The following RIN2 variants were observed in gnomAD, a reference collection of about 807,000 sequenced individuals.
RIN2 encodes the protein RAB5 interacting protein 2.
In RIN2, 36 loss-of-function variants were observed where a neutral mutation model predicts 78.0. The observed-to-expected ratio is 0.46, with a 90% confidence interval of 0.35 to 0.61. The LOEUF (loss-of-function observed/expected upper bound fraction) is 0.61, where lower values mean the gene tolerates loss of function less well. Among genes scored for constraint, RIN2 ranks in the 20% least tolerant of loss-of-function variants. The probability of loss-of-function intolerance (pLI) is 0.00; values close to 1 mark genes in which losing one functional copy is unlikely to be tolerated. For synonymous variants in RIN2, 466 were observed against 466.8 expected (o/e 1.00, Z 0.02); for missense variants, 1,087 against 1,159.7 (o/e 0.94, Z 0.91).
At chr20:19,855,546 G>C (rs1030484398) in intron 2 of RIN2, among the ~76,000 whole-genome samples, 1 of 152,108 alleles carries the variant, frequency 6.6e-6, no homozygotes, top group African/African-American at 2.4e-5. Flanking sequence ...GCCATCCTTT[G>C]ATGGCAACTT....
At chr20:19,851,572 A>G (rs934407633) in intron 2 of RIN2, among the ~76,000 whole-genome samples, 1 of 151,964 alleles carries the variant, frequency 6.6e-6, no homozygotes. Flanking sequence ...AAAAACAAAA[A>G]ATCAGCTGGG....
chr20:19,834,321 A>C (rs1158566765), intron 2 of RIN2, among the ~76,000 whole-genome samples: 1 of 152,204 alleles, frequency 6.6e-6, no homozygotes, highest in Non-Finnish European at 1.5e-5. Context: ...CATTTTTGCC[A>C]AAGTGGAAGC....
chr20:19,988,086 A>G (rs1427428041), intron 9 of RIN2, among the ~76,000 whole-genome samples: 4 of 152,216 alleles, frequency 2.6e-5, no homozygotes, highest in Non-Finnish European at 5.9e-5. Flanking sequence ...CAGCGTCAGG[A>G]ATTCCAAAGG....
intron 6 of RIN2, among the ~76,000 whole-genome samples, chr20:19,964,283 A>G (rs1192038999): frequency 6.6e-6 from 1 of 151,728 alleles, no homozygotes; most frequent in Non-Finnish European, 1.5e-5. Flanking sequence ...AGAGAGAGAA[A>G]AAAAAAAAGA....
At chr20:19,992,915 GTTTT>G (rs898138613) in intron 11 of RIN2, among the ~76,000 whole-genome samples, 1 of 151,820 alleles carries the variant, frequency 6.6e-6, no homozygotes, top group African/African-American at 2.4e-5. Flanking sequence ...TTTTTTTCCA[GTTTT>G]TTTTAAGTAT....
chr20:19,968,461 G>T (rs767475423), intron 7 of RIN2, among the ~76,000 whole-genome samples: 1 of 152,132 alleles, frequency 6.6e-6, no homozygotes, highest in Admixed American at 6.6e-5. Context: ...GTGTGTGTGC[G>T]TGTGCATGCA....
intron 2 of RIN2, among the ~76,000 whole-genome samples, chr20:19,842,885 A>G (rs1159067035): frequency 1.3e-5 from 2 of 152,016 alleles, no homozygotes; most frequent in Non-Finnish European, 2.9e-5. Flanking sequence ...AGCATTCTAG[A>G]TGTCACAAAG....
At chr20:19,964,562 G>A (rs2041875768) in intron 6 of RIN2, among the ~76,000 whole-genome samples, 1 of 152,154 alleles carries the variant, frequency 6.6e-6, no homozygotes, top group Admixed American at 6.5e-5. Flanking sequence ...TGTCCTAGGA[G>A]GGTCAAGGGA....
intron 2 of RIN2, among the ~76,000 whole-genome samples, chr20:19,880,824 T>C (rs546674601): frequency 4.6e-5 from 7 of 152,314 alleles, no homozygotes; most frequent in African/African-American, 1.7e-4. Context: ...AGATGAGATC[T>C]CTAATGTCTG....
intron 6 of RIN2, among the ~76,000 whole-genome samples, chr20:19,964,213 AG>A (rs1459286832): frequency 6.6e-6 from 1 of 150,922 alleles, no homozygotes; most frequent in Non-Finnish European, 1.5e-5. Context: ...GCAGGGGTGG[AG>A]GGGGGAACAA....
chr20:19,861,458 G>C (rs2037330484), intron 2 of RIN2, among the ~76,000 whole-genome samples: 1 of 152,102 alleles, frequency 6.6e-6, no homozygotes, highest in Admixed American at 6.6e-5. Context: ...TTTTAACAAA[G>C]AACCCTGCTA....
intron 1 of RIN2, among the ~76,000 whole-genome samples, chr20:19,764,141 T>A (rs2122317028): frequency 6.6e-6 from 1 of 152,334 alleles, no homozygotes. Context: ...CCTGATTTTA[T>A]TTGGTAGATC....
chr20:19,820,744 A>G (rs977993746), intron 2 of RIN2, among the ~76,000 whole-genome samples: 1 of 152,150 alleles, frequency 6.6e-6, no homozygotes, highest in African/African-American at 2.4e-5. Context: ...GGAGCTGGTG[A>G]AAACTCCCTC....
intron 12 of RIN2, among the ~76,000 whole-genome samples, chr20:19,998,730 T>C (rs2043049687): frequency 6.6e-6 from 1 of 152,138 alleles, no homozygotes; most frequent in Non-Finnish European, 1.5e-5. Context: ...AGAGTGAGAA[T>C]ACACGCACTG....
At chr20:19,824,194 A>G (rs1169144076) in intron 2 of RIN2, among the ~76,000 whole-genome samples, 1 of 152,184 alleles carries the variant, frequency 6.6e-6, no homozygotes, top group Admixed American at 6.5e-5. Context: ...CTGTAAGAAC[A>G]AGCCTACGGC....
intron 3 of RIN2, among the ~76,000 whole-genome samples, chr20:19,906,670 C>A (rs749829313): frequency 1.1e-4 from 16 of 152,156 alleles, no homozygotes; most frequent in Admixed American, 2.6e-4. Flanking sequence ...GCAGCATCAC[C>A]ATCGTGGTCC....
chr20:19,972,223 T>C (rs926202534), intron 8 of RIN2, among the ~76,000 whole-genome samples: 3 of 152,126 alleles, frequency 2.0e-5, no homozygotes, highest in Non-Finnish European at 4.4e-5. Flanking sequence ...TGGAGAGAGA[T>C]TAAAATACTT....
At chr20:19,887,481 G>C (rs1392723311) in intron 2 of RIN2, among the ~76,000 whole-genome samples, 1 of 152,160 alleles carries the variant, frequency 6.6e-6, no homozygotes, top group East Asian at 1.9e-4. Context: ...CCCTCTTGGA[G>C]CAGCTTATGA....
chr20:19,985,596 G>C (rs7260850), intron 9 of RIN2, among the ~76,000 whole-genome samples: 2,118 of 152,270 alleles, frequency 0.014, 52 homozygotes, highest in African/African-American at 0.049. Context: ...GTGAGGCTGG[G>C]CATGGTGTCT....
Sources: gnomAD v4.1 joint callset for allele counts (sites outside exome capture counted in the v4.1 genomes callset) on GRCh38, gnomAD v4.1.1 for gene constraint, MANE v1.5 for transcripts, NCBI Gene and HGNC (gene_info 2026-07-23, HGNC 2026-07-21) for gene names.